GGT6: variants seen among roughly 807,000 people sequenced by gnomAD.
The protein encoded by GGT6 is gamma-glutamyltransferase 6, also known as glutathione hydrolase 6.
In GGT6, 13 loss-of-function variants were observed where a neutral mutation model predicts 17.0. The ratio of observed to expected loss-of-function variants is 0.77; its 90% CI spans 0.50 to 1.22. The LOEUF (loss-of-function observed/expected upper bound fraction) is 1.22. Ranked by LOEUF, GGT6 falls within the 50% of genes most tolerant of loss-of-function variation. The pLI is 0.00. For missense variants in GGT6, 628 were observed against 643.7 expected (o/e 0.98, Z 0.26); for synonymous variants, 305 against 297.9 (o/e 1.02, Z -0.25).
chr17:4,558,491 C>T lies in GGT6; in HGVS notation c.1024G>A (p.Asp342Asn). 1 of 1,606,308 alleles carries T rather than the reference C, an allele frequency of 6.2e-7. No homozygotes were observed. The highest frequency in any genetic ancestry group is 8.5e-7 in the Non-Finnish European group (1 of 1,177,704). Residue 342 changes from aspartate (D) to asparagine (N), a missense_variant, in exon 4 of 4, where the codon GAC becomes AAC. By Grantham distance (23) the Asp-to-Asn change is conservative. Transcript: ENST00000381550. ...AALRSGAPIPDPCPPFLQTAV... is the reference protein window; with the variant it reads ...AALRSGAPIPNPCPPFLQTAV... ...GTCTGCAGGAACGGTGGGCAGGGGT[C>T]AGGGATGGGCGCCCCGGAGCGCAGG... is the stretch of plus-strand genomic sequence containing the variant.
rs766367569 is a variant in GGT6, at chr17:4,559,632, G to A, written c.269C>T (p.Ser90Phe). Reference protein sequence around the residue: ...NQGRSTGSLGSVAPPPGGHSH... With the variant: ...NQGRSTGSLGFVAPPPGGHSH... The stretch of plus-strand genomic sequence containing the variant: ...GTGTCCGCCGGGTGGAGGGGCCACA[G>A]AGCCCAAGCTTCCTGTCGACCTGCC... The change falls in exon 2 of 4, where the codon TCT (serine) becomes TTT (phenylalanine). Residue 90 changes from serine to phenylalanine, a missense_variant. Physicochemically the swap from Ser to Phe is radical, Grantham distance 155. Transcript: ENST00000381550. The A allele has an allele frequency of 6.2e-7, 1 of 1,613,738 alleles. No homozygotes were observed. The highest frequency in any genetic ancestry group is 1.7e-5 in the Admixed American group (1 of 60,022).
rs544417102 is a variant in GGT6 at position 4,557,340 on chromosome 17, T to G, written c.*675A>C. ...TTTTTTTTTTTTTTTTTAGACAGGG[T>G]TTCCCTCTTGTTGCCCAGGTGGGGT... is the stretch of plus-strand genomic sequence containing the variant. On this transcript the variant is annotated 3_prime_UTR_variant, in exon 4 of 4. Transcript: ENST00000381550. The G allele has an allele frequency of 6.9e-6, 1 of 145,648 alleles. No homozygotes were observed. The highest frequency in any genetic ancestry group is 2.0e-4 in the East Asian group (1 of 5,056). 9.0% of individuals were successfully genotyped at this position (145,648 alleles called of 1,614,324 possible). A position where few individuals can be genotyped will look rare whatever the true frequency, so the allele number is the denominator to read the frequency against.
chr17:4,559,377 G>T lies in GGT6; in HGVS notation c.423C>A (p.Cys141Ter). The change falls in exon 3 of 4, where the codon TGC becomes TGA. Residue 141 changes from cysteine (C) to a stop codon, truncating the protein, a stop_gained. Coordinates refer to ENST00000381550, the MANE Select transcript of GGT6 (RefSeq NM_001288702.2). LOFTEE classifies it low-confidence loss of function (END_TRUNC). ...TGGCATGAGGATGCACCACTGCCAG[G>T]CACAATGCAGCTCCAACTCCAGCAT... Reference protein sequence around the residue: ...VVDAGVGAALCLAVVHPHATG... With the variant: ...VVDAGVGAAL 9 of 1,551,630 alleles carry T rather than the reference G, an allele frequency of 5.8e-6. No homozygotes were observed. The highest frequency in any genetic ancestry group is 7.8e-6 in the Non-Finnish European group (9 of 1,146,954).
Position 4,558,393 on chromosome 17 carries a change from CGAG to C in GGT6, c.1119_1121del (p.Ser374del). 1 of 1,605,244 alleles carries C rather than the reference CGAG, an allele frequency of 6.2e-7. No homozygotes were observed. Among genetic ancestry groups the C allele is most frequent in the Middle Eastern group, 1.6e-4 (1 of 6,062 alleles). ...GTGCAGAGCCAAAGGAGCAGTTGAG[CGAG>C]GAGGTGAGAAGGAGCACAGAGCCGC... On this transcript the variant is annotated inframe_deletion, in exon 4 of 4. Coordinates refer to ENST00000381550, the MANE Select transcript of GGT6 (RefSeq NM_001288702.2).
chr17:4,560,051 G>A (rs1043630523), intron 1 of GGT6: 1 of 571,010 alleles, frequency 1.8e-6, no homozygotes, highest in Non-Finnish European at 3.1e-6. Flanking sequence ...AGGAGAGAAG[G>A]GGCTGGGGAG....
intron 1 of GGT6, among the ~76,000 whole-genome samples, chr17:4,560,129 G>A (rs570982825): frequency 6.6e-6 from 1 of 152,358 alleles, no homozygotes; most frequent in East Asian, 1.9e-4. Flanking sequence ...GGACTTGGGG[G>A]CTGGGGACCT....
Position 4,558,720 on chromosome 17 carries a change from G to T in GGT6, c.795C>A (p.Arg265=). The T allele has an allele frequency of 6.2e-7, 1 of 1,602,932 alleles. No individual in the cohort carries two copies. The highest frequency in any genetic ancestry group is 8.5e-7 in the Non-Finnish European group (1 of 1,175,812). Residue 265 remains arginine (R), a synonymous_variant, in exon 4 of 4, where the codon CGC becomes CGA. Coordinates refer to ENST00000381550, the MANE Select transcript of GGT6 (RefSeq NM_001288702.2). Reference sequence around the variant, plus strand: ...CTGAGGTGGGAGCGAGGGCTGCGCTGCGAAGCACAGCTGCCAGTTGTGGGT... The same window carrying T: ...CTGAGGTGGGAGCGAGGGCTGCGCTTCGAAGCACAGCTGCCAGTTGTGGGT... ...ATNPQLAAVL[R]SAALAPTSDL...
chr17:4,558,960 C>A lies in GGT6; in HGVS notation c.555G>T (p.Leu185=). ...PAQTLAPGLG[L]PAALPTLHLL... ...GGTGCAGGGTGGGCAGAGCCGCGGG[C>A]AGCCCCAGGCCGGGGGCCAGGGTCT... The change falls in exon 4 of 4, where the codon CTG becomes CTT. Residue 185 remains leucine, a synonymous_variant. Coordinates refer to ENST00000381550, the MANE Select transcript of GGT6 (RefSeq NM_001288702.2). 2 of 1,535,120 alleles carry A rather than the reference C, an allele frequency of 1.3e-6. No homozygotes were observed. The highest frequency in any genetic ancestry group is 8.8e-7 in the Non-Finnish European group (1 of 1,142,122).
In GGT6 at chr17:4,558,971, CG is replaced by C. The variant is rs1465318415; in HGVS notation, c.543del (p.Gly182AlafsTer27). On this transcript the variant is annotated frameshift_variant, in exon 4 of 4. Coordinates refer to ENST00000381550, the MANE Select transcript of GGT6 (RefSeq NM_001288702.2). LOFTEE classifies it low-confidence loss of function (END_TRUNC). ...GGCAGAGCCGCGGGCAGCCCCAGGCCGGGGGCCAGGGTCTGTGCTGGGCCTG... is the reference window on the plus strand; with the variant it reads ...GGCAGAGCCGCGGGCAGCCCCAGGCCGGGGCCAGGGTCTGTGCTGGGCCTG... ...LTSGPAQTLAPGLGLPAALPT... is the reference protein window; with the variant it reads ...LTSGPAQTLAXGLGLPAALPT... The C allele has an allele frequency of 1.3e-6, 2 of 1,544,976 alleles. No individual in the cohort carries two copies. Among genetic ancestry groups the C allele is most frequent in the African/African-American group, 1.4e-5 (1 of 73,006 alleles).
Position 4,558,862 on chromosome 17 carries a change from C to A in GGT6, c.653G>T (p.Gly218Val), listed in dbSNP as rs1207523202. ...TGCCAGGGGTGTGTCCACCAGGAAG[C>A]CCTCCTGAGCCAGCGTGGTGGGGCC... ...LVGPTTLAQE[G>V]FLVDTPLARA... The change falls in exon 4 of 4, where the codon GGC becomes GTC. Residue 218 changes from glycine (G) to valine (V), a missense_variant. Transcript: ENST00000381550. The A allele has an allele frequency of 3.9e-6, 6 of 1,546,042 alleles. No homozygotes were observed. The highest frequency in any genetic ancestry group is 5.2e-6 in the Non-Finnish European group (6 of 1,144,330).
rs780826617 is a variant in GGT6, at chr17:4,559,596, G to T, written c.305C>A (p.Pro102His). ...APPPGGHSHGPGVYHHGAIIS... is the reference protein window; with the variant it reads ...APPPGGHSHGHGVYHHGAIIS... ...GATGGCACCGTGGTGGTATACGCCAGGGCCGTGGGAGTGTCCGCCGGGTGG... is the reference window on the plus strand; with the variant it reads ...GATGGCACCGTGGTGGTATACGCCATGGCCGTGGGAGTGTCCGCCGGGTGG... Residue 102 changes from proline (P) to histidine (H), a missense_variant, in exon 2 of 4, where the codon CCT (proline) becomes CAT (histidine). Pro to His is a moderately conservative substitution (Grantham distance 77, BLOSUM62 -2). Transcript: ENST00000381550. The T allele has an allele frequency of 6.2e-7, 1 of 1,613,872 alleles. No individual in the cohort carries two copies. The highest frequency in any genetic ancestry group is 8.5e-7 in the Non-Finnish European group (1 of 1,180,016).
downstream of GGT6, among the ~76,000 whole-genome samples, chr17:4,556,754 C>G (rs1486197418): frequency 6.6e-6 from 1 of 151,924 alleles, no homozygotes; most frequent in Non-Finnish European, 1.5e-5. Flanking sequence ...ATTCACCTTG[C>G]ACATCTGGTG....
intron 1 of GGT6, 87 bp from the exon 2 acceptor site, chr17:4,559,847 G>A: frequency 7.8e-7 from 1 of 1,284,582 alleles, no homozygotes; most frequent in Non-Finnish European, 1.1e-6. Context: ...TTCCCAAAAG[G>A]TTTGATTTAG....
In GGT6 at chr17:4,558,201, G is replaced by A. The variant is rs1387859693; in HGVS notation, c.1314C>T (p.His438=). 1 of 1,614,194 alleles carries A rather than the reference G, an allele frequency of 6.2e-7. No individual in the cohort carries two copies. Among genetic ancestry groups the A allele is most frequent in the Non-Finnish European group, 8.5e-7 (1 of 1,180,036 alleles). ...TTGCTGCCAGATGCCTGAGTAGGGT[G>A]TGAGTCATGGCCCTGGCCACATCAG... The part of the protein sequence containing the change: ...GTPDVARAMT[H]TLLRHLAARP... Residue 438 remains histidine, a synonymous_variant, in exon 4 of 4, where the codon CAC becomes CAT. Coordinates refer to ENST00000381550, the MANE Select transcript of GGT6 (RefSeq NM_001288702.2).
chr17:4,558,180 T>C lies in GGT6; in HGVS notation c.1335A>G (p.Ala445=). 6.2e-7 allele frequency: 1 copy of C among 1,614,126 alleles called. No homozygotes were observed. The highest frequency in any genetic ancestry group is 8.5e-7 in the Non-Finnish European group (1 of 1,179,968). The change falls in exon 4 of 4, where the codon GCA becomes GCG. Residue 445 remains alanine (A), a synonymous_variant. Transcript: ENST00000381550. ...AMTHTLLRHL[A]ARPPTQAQHQ... is the part of the protein sequence containing the mutation. ...GCTGGGCCTGGGTAGGGGGCCTTGC[T>C]GCCAGATGCCTGAGTAGGGTGTGAG...
Position 4,559,104 on chromosome 17 carries a change from C to G in GGT6, c.458-47G>C. 3 of 1,538,708 alleles carry G rather than the reference C, an allele frequency of 1.9e-6. 1 individual carries two copies. Among genetic ancestry groups the G allele is most frequent in the Non-Finnish European group, 2.6e-6 (3 of 1,145,198 alleles). On this transcript the variant is annotated intron_variant, in intron 3 of 3. Coordinates refer to ENST00000381550, the MANE Select transcript of GGT6 (RefSeq NM_001288702.2). ...CTCAGCAGCCGCAGGTCAAGGGTCA[C>G]TGACTTGTTTCAGTCAAGATCCCTT... is the stretch of plus-strand genomic sequence containing the variant.
rs1908467846 is a variant in GGT6 at position 4,559,460 on chromosome 17, C to A, written c.344-4G>T. ...CGGCCTAGGTGGGAGCATGTGGCTGCAGCAAGGAAGGCACTGTCATGCAGC... is the reference window on the plus strand; with the variant it reads ...CGGCCTAGGTGGGAGCATGTGGCTGAAGCAAGGAAGGCACTGTCATGCAGC... On this transcript the variant is annotated splice_polypyrimidine_tract_variant and splice_region_variant and intron_variant, in intron 2 of 3. Transcript: ENST00000381550. 2 of 1,556,084 alleles carry A rather than the reference C, an allele frequency of 1.3e-6. No homozygotes were observed. Among genetic ancestry groups the A allele is most frequent in the Non-Finnish European group, 1.7e-6 (2 of 1,149,374 alleles).
chr17:4,559,436 G>A lies in GGT6; in HGVS notation c.364C>T (p.Arg122Ter), dbSNP rs780702477. The change falls in exon 3 of 4, where the codon CGA (arginine) becomes TGA (stop). Residue 122 changes from arginine to a stop codon, truncating the protein, a stop_gained. Coordinates refer to ENST00000381550, the MANE Select transcript of GGT6 (RefSeq NM_001288702.2). LOFTEE classifies it high-confidence loss of function. Reference sequence around the variant, plus strand: ...TTGCCCCCGGCAACAAGCAGCTCTCGGCCTAGGTGGGAGCATGTGGCTGCA... The same window carrying A: ...TTGCCCCCGGCAACAAGCAGCTCTCAGCCTAGGTGGGAGCATGTGGCTGCA... ...SPAATCSHLG[R>*]ELLVAGGNVV... The A allele has an allele frequency of 1.2e-5, 19 of 1,552,264 alleles. No homozygotes were observed. Among genetic ancestry groups the A allele is most frequent in the South Asian group, 9.5e-5 (8 of 84,212 alleles).
Position 4,558,594 on chromosome 17 carries a change from T to C in GGT6, c.921A>G (p.Leu307=), listed in dbSNP as rs1211088536. ...PRPTLEPAEQ[L]PVPQGILFTT... ...TGAACAGGATGCCCTGGGGCACAGG[T>C]AGCTGCTCTGCTGGTTCCAAAGTGG... The change falls in exon 4 of 4, where the codon CTA becomes CTG. Residue 307 remains leucine, a synonymous_variant. Coordinates refer to ENST00000381550, the MANE Select transcript of GGT6 (RefSeq NM_001288702.2). 6.4e-7 allele frequency: 1 copy of C among 1,563,820 alleles called. No homozygotes were observed. The highest frequency in any genetic ancestry group is 2.3e-5 in the East Asian group (1 of 44,126).
Sources: allele counts gnomAD v4.1 joint callset (sites outside exome capture counted in the v4.1 genomes callset), GRCh38; gene constraint gnomAD v4.1.1; transcripts MANE v1.5; gene names NCBI Gene and HGNC (gene_info 2026-07-23, HGNC 2026-07-21).